The following TSPAN33 variants were observed in gnomAD, a reference collection of about 807,000 sequenced individuals.
The protein encoded by TSPAN33 is tetraspanin-33.
A neutral mutation model predicts 34.8 loss-of-function variants in TSPAN33; 27 were observed. That is an observed-to-expected ratio of 0.78 (90% CI 0.57 to 1.07). The LOEUF (loss-of-function observed/expected upper bound fraction) is 1.07. TSPAN33 is among the 50% of genes least tolerant of loss of function. The pLI is 0.00. For synonymous variants in TSPAN33, 119 were observed against 124.2 expected, an observed-to-expected ratio of 0.96 and a Z score of 0.28; for missense variants, 272 against 324.9, an observed-to-expected ratio of 0.84 and a Z score of 1.25.
In TSPAN33 at chr7:129,167,925, A is replaced by G. The variant is rs759744879; in HGVS notation, c.*51A>G. The G allele has an allele frequency of 2.5e-6, 4 of 1,599,892 alleles. No homozygotes were observed. Among genetic ancestry groups the G allele is most frequent in the Non-Finnish European group, 2.6e-6 (3 of 1,173,640 alleles). On this transcript the variant is annotated 3_prime_UTR_variant, in exon 8 of 8. Coordinates refer to ENST00000486685, the MANE Select transcript of TSPAN33 (RefSeq NM_178562.5). This position sits in a 1 kb window ranked among gnomAD's most constrained non-coding sequence, Gnocchi z 4.6. ...TGGAAACTGGCAAGCCTCATAAACG[A>G]ACAGCAGTGGGTGCTGAAAGCAGCA...
intron 1 of TSPAN33, among the ~76,000 whole-genome samples, chr7:129,151,266 A>G (rs958267019): frequency 3.9e-5 from 6 of 152,126 alleles, no homozygotes; most frequent in Non-Finnish European, 5.9e-5. Context: ...AGCTTGGACT[A>G]CAGGCATGCA....
Position 129,164,364 on chromosome 7 carries a change from C to T in TSPAN33, c.364-110C>T. On this transcript the variant is annotated intron_variant, in intron 4 of 7. Transcript: ENST00000486685. ...CACCATTAGGACTCGGTTCTGATTT[C>T]AAGGCAGACTCAGTTAAGAAGGATG... is the stretch of plus-strand genomic sequence containing the variant. 5 of 999,888 alleles carry T rather than the reference C, an allele frequency of 5.0e-6. No individual in the cohort carries two copies. In the South Asian group the frequency reaches 6.8e-5, roughly 14 times the overall value. 61.9% of individuals were successfully genotyped at this position (999,888 alleles called of 1,614,324 possible). A position where few individuals can be genotyped will look rare whatever the true frequency, so the allele number is the denominator to read the frequency against.
At chr7:129,157,447 G>A (rs1810678162) in intron 1 of TSPAN33, among the ~76,000 whole-genome samples, 1 of 152,106 alleles carries the variant, frequency 6.6e-6, no homozygotes, top group Non-Finnish European at 1.5e-5. Context: ...GATATCATTA[G>A]TGATCATATT....
At position 129,167,545 on chromosome 7, in the gene TSPAN33, C is replaced by T; in HGVS notation, c.735C>T (p.Gly245=). The change falls in exon 7 of 8, where the codon GGC becomes GGT. Residue 245 remains glycine, a synonymous_variant. Transcript: ENST00000486685. This position sits in a 1 kb window ranked among gnomAD's most constrained non-coding sequence, Gnocchi z 4.6. The part of the protein sequence containing the change: ...NLFLLGGVAL[G]LAIPQLVGIL... ...TCTTACTTGGTGGTGTGGCTCTAGG[C>T]CTGGCCATCCCCCAGGTAACTTACC... is the stretch of plus-strand genomic sequence containing the variant. The T allele has an allele frequency of 6.2e-7, 1 of 1,613,922 alleles. No individual in the cohort carries two copies. The highest frequency in any genetic ancestry group is 8.5e-7 in the Non-Finnish European group (1 of 1,179,870).
rs111428401 is a variant in TSPAN33, at chr7:129,160,765, G to A, written c.103-914G>A. ...TATTGACCTCTAAGAGGGTTAGAGAGCTGGGAGTATGCAACCGCCCAGGCC... is the reference window on the plus strand; with the variant it reads ...TATTGACCTCTAAGAGGGTTAGAGAACTGGGAGTATGCAACCGCCCAGGCC... On this transcript the variant is annotated intron_variant, in intron 1 of 7. Coordinates refer to ENST00000486685, the MANE Select transcript of TSPAN33 (RefSeq NM_178562.5). 8.4e-3 allele frequency among the ~76,000 whole-genome samples: 1,286 copies of A among 152,334 alleles called. 22 individuals are homozygous for A. The highest frequency in any genetic ancestry group is 0.029 in the African/African-American group (1,224 of 41,582).
intron 3 of TSPAN33, 152 bp downstream of exon 3, chr7:129,162,673 C>T: frequency 1.4e-6 from 2 of 1,447,356 alleles, no homozygotes; most frequent in Non-Finnish European, 9.4e-7. Flanking sequence ...TGACCCAGCA[C>T]AGGGTGGCCA....
At chr7:129,150,415 C>G (rs1322492046) in intron 1 of TSPAN33, among the ~76,000 whole-genome samples, 1 of 152,180 alleles carries the variant, frequency 6.6e-6, no homozygotes, top group African/African-American at 2.4e-5. Flanking sequence ...AGCTGCTCCC[C>G]CAAGGGAACC....
In TSPAN33 at chr7:129,157,131, A is replaced by G. The variant is rs1483438765; in HGVS notation, c.103-4548A>G. Reference sequence around the variant, plus strand: ...CCATAAGGATTTTACAGAAAATTCTAGCATAGTGGAAAGAGTTCCAGAATG... The same window carrying G: ...CCATAAGGATTTTACAGAAAATTCTGGCATAGTGGAAAGAGTTCCAGAATG... On this transcript the variant is annotated intron_variant, in intron 1 of 7. Transcript: ENST00000486685. Among the ~76,000 whole-genome samples, 5 of 152,230 alleles carry G rather than the reference A, an allele frequency of 3.3e-5. No individual in the cohort carries two copies. In the East Asian group the frequency reaches 9.6e-4, roughly 29 times the overall value.
Position 129,162,837 on chromosome 7 carries a change from C to A in TSPAN33, c.293C>A (p.Ser98Tyr), listed in dbSNP as rs374813870. ...RENICLLQTF[S>Y]LCLTAVFLLQ... is the part of the protein sequence containing the mutation. ...CTTCTTCCTGCTGCTCCACAGTTCT[C>A]CCTCTGCCTCACCGCTGTGTTCCTG... The change falls in exon 4 of 8, where the codon TCC becomes TAC. Residue 98 changes from serine (S) to tyrosine (Y), a missense_variant. Coordinates refer to ENST00000486685, the MANE Select transcript of TSPAN33 (RefSeq NM_178562.5). The A allele has an allele frequency of 6.2e-7, 1 of 1,613,844 alleles. No individual in the cohort carries two copies. Among genetic ancestry groups the A allele is most frequent in the East Asian group, 2.2e-5 (1 of 44,878 alleles).
At position 129,168,114 on chromosome 7, in the gene TSPAN33, G is replaced by C. The variant is rs778807842; in HGVS notation, c.*240G>C. On this transcript the variant is annotated 3_prime_UTR_variant, in exon 8 of 8. Transcript: ENST00000486685. ...CATTGTGCCAGAGTGATACCCTTAA[G>C]TGTTTGGGTTTATGTTTTCAGTTTT... is the stretch of plus-strand genomic sequence containing the variant. The C allele has an allele frequency of 1.3e-4, 93 of 714,706 alleles. No individual in the cohort carries two copies. Among genetic ancestry groups the C allele is most frequent in the Non-Finnish European group, 1.9e-4 (89 of 471,874 alleles). 44.3% of individuals were successfully genotyped at this position (714,706 alleles called of 1,614,324 possible).
In TSPAN33 at chr7:129,148,409, G is replaced by A. The variant is rs544166366; in HGVS notation, c.102+3327G>A. Among the ~76,000 whole-genome samples, 178 of 152,312 alleles carry A rather than the reference G, an allele frequency of 1.2e-3. No individual in the cohort carries two copies. The highest frequency in any genetic ancestry group is 4.1e-3 in the African/African-American group (172 of 41,566). On this transcript the variant is annotated intron_variant, in intron 1 of 7. Coordinates refer to ENST00000486685, the MANE Select transcript of TSPAN33 (RefSeq NM_178562.5). The surrounding 1 kb of genome is among the most constrained non-coding windows in gnomAD (Gnocchi z 4.2). ...ACTTCGGGCTCTCGAGGGTGGGCAC[G>A]GCCCTATTCACTTCTGGATCCCCAG...
chr7:129,164,477 C>A lies in TSPAN33; in HGVS notation c.367C>A (p.Arg123=). ...ILGFVFSDKA[R]GKVSEIINNA... ...TCCTTGCCCATGTCTCCGGCAGGCT[C>A]GAGGGAAAGTGAGTGAGATCATCAA... The change falls in exon 5 of 8, where the codon CGA becomes AGA. Residue 123 remains arginine (R), a synonymous_variant. Coordinates refer to ENST00000486685, the MANE Select transcript of TSPAN33 (RefSeq NM_178562.5). The A allele has an allele frequency of 1.9e-6, 3 of 1,613,836 alleles. No homozygotes were observed. The highest frequency in any genetic ancestry group is 1.7e-6 in the Non-Finnish European group (2 of 1,179,922).
At position 129,145,000 on chromosome 7, in the gene TSPAN33, C is replaced by A; in HGVS notation, c.20C>A (p.Ala7Glu). ...GGGGCCATGGCGCGGAGACCCCGGGCGCCGGCCGCCTCCGGGGAGGAGTTC... is the reference window on the plus strand; with the variant it reads ...GGGGCCATGGCGCGGAGACCCCGGGAGCCGGCCGCCTCCGGGGAGGAGTTC... MARRPRAPAASGEEFSF... is the reference protein window; with the variant it reads MARRPREPAASGEEFSF... The change falls in exon 1 of 8, where the codon GCG becomes GAG. Residue 7 changes from alanine to glutamate, a missense_variant. Transcript: ENST00000486685. 1.5e-6 allele frequency: 1 copy of A among 669,828 alleles called. No homozygotes were observed. The highest frequency in any genetic ancestry group is 2.7e-6 in the Non-Finnish European group (1 of 366,160). The allele number at this position is 669,828 out of a possible 1,614,324, so 41.5% of individuals were successfully genotyped here. A position where few individuals can be genotyped will look rare whatever the true frequency, so the allele number is the denominator to read the frequency against.
At chr7:129,146,056 G>C (rs1420276451) in intron 1 of TSPAN33, among the ~76,000 whole-genome samples, 2 of 151,970 alleles carry the variant, frequency 1.3e-5, no homozygotes, top group African/African-American at 2.4e-5. Context: ...CTCCTCTTCT[G>C]GCTCCTACCA....
In TSPAN33 at chr7:129,168,438, A is replaced by G; in HGVS notation, c.*564A>G. Reference sequence around the variant, plus strand: ...GGAGTGGAGGGAGATATGTTTACCAAATGCCTGTCCTGCCATCCTCCCAGG... The same window carrying G: ...GGAGTGGAGGGAGATATGTTTACCAGATGCCTGTCCTGCCATCCTCCCAGG... On this transcript the variant is annotated 3_prime_UTR_variant, in exon 8 of 8. Coordinates refer to ENST00000486685, the MANE Select transcript of TSPAN33 (RefSeq NM_178562.5). 1 of 153,242 alleles carries G rather than the reference A, an allele frequency of 6.5e-6. No individual in the cohort carries two copies. 9.5% of individuals were successfully genotyped at this position (153,242 alleles called of 1,614,324 possible).
intron 1 of TSPAN33, among the ~76,000 whole-genome samples, chr7:129,154,455 G>T (rs1810640943): frequency 6.6e-6 from 1 of 151,704 alleles, no homozygotes; most frequent in Non-Finnish European, 1.5e-5. Flanking sequence ...GTTAAAAAAT[G>T]TATAGGCCAG....
In TSPAN33 at chr7:129,168,801, A is replaced by C. The variant is rs1793183124; in HGVS notation, c.*927A>C. ...GAATCTTGCTGGGACGAGGGGAGCCAGAAGTGGCAATAAAAGCGTGTTGAC... is the reference window on the plus strand; with the variant it reads ...GAATCTTGCTGGGACGAGGGGAGCCCGAAGTGGCAATAAAAGCGTGTTGAC... On this transcript the variant is annotated 3_prime_UTR_variant, in exon 8 of 8. Transcript: ENST00000486685. The C allele has an allele frequency of 7.2e-6, 1 of 138,178 alleles. No homozygotes were observed. The highest frequency in any genetic ancestry group is 1.6e-5 in the Non-Finnish European group (1 of 62,680). The allele number at this position is 138,178 out of a possible 1,614,324, so 8.6% of individuals were successfully genotyped here.
At chr7:129,163,334 T>TTTTC (rs1793082482) in intron 4 of TSPAN33, among the ~76,000 whole-genome samples, 2 of 14,702 alleles carry the variant, frequency 1.4e-4, no homozygotes, top group Admixed American at 1.8e-3. Context: ...TCTTTCTTTC[T>TTTTC]TTTTTTTTTT....
At chr7:129,149,063 G>A (rs1238344952) in intron 1 of TSPAN33, among the ~76,000 whole-genome samples, 5 of 151,278 alleles carry the variant, frequency 3.3e-5, no homozygotes, top group Non-Finnish European at 5.9e-5. Context: ...CACCCCCGCC[G>A]TCTTCCCCAT....
Sources: allele counts gnomAD v4.1 joint callset (sites outside exome capture counted in the v4.1 genomes callset), GRCh38; gene constraint gnomAD v4.1.1; non-coding constraint Gnocchi (gnomAD v3.1); transcripts MANE v1.5; gene names NCBI Gene and HGNC (gene_info 2026-07-23, HGNC 2026-07-21).